Variants in SLC15A4 observed in about 807,000 individuals in gnomAD.
The protein encoded by SLC15A4 is solute carrier family 15 member 4, also known as hPHT1.
In SLC15A4, 26 loss-of-function variants were observed where a neutral mutation model predicts 46.1. The observed-to-expected ratio is 0.56, with a 90% CI of 0.41 to 0.78. The LOEUF (loss-of-function observed/expected upper bound fraction) is 0.78. Among genes scored for constraint, SLC15A4 ranks in the 30% least tolerant of loss-of-function variants. The probability of loss-of-function intolerance (pLI) is 0.00; values close to 1 mark genes in which losing one functional copy is unlikely to be tolerated. For missense variants in SLC15A4, 751 were observed against 755.7 expected (o/e 0.99, Z 0.07); for synonymous variants, 370 against 333.4 (o/e 1.11, Z -1.20).
chr12:128,809,273 T>A, intron 4 of SLC15A4, 123 bp downstream of exon 4: 1 of 689,372 alleles, frequency 1.5e-6, no homozygotes, highest in Non-Finnish European at 2.4e-6. Flanking sequence ...AAACTCTATT[T>A]CAATAACAAT....
In SLC15A4 at chr12:128,797,818, G is replaced by A. The variant is rs545372595; in HGVS notation, c.1573+1441C>T. On this transcript the variant is annotated intron_variant, in intron 7 of 7. Transcript: ENST00000266771. Reference sequence around the variant, plus strand: ...CAGCCTTTATTTCTCTACCCAGGACGCCAAGGGCTGCTCGACAGATGAGCT... The same window carrying A: ...CAGCCTTTATTTCTCTACCCAGGACACCAAGGGCTGCTCGACAGATGAGCT... 7.9e-5 allele frequency among the ~76,000 whole-genome samples: 12 copies of A among 152,308 alleles called. No homozygotes were observed. In the South Asian group the frequency reaches 1.9e-3, roughly 24 times the overall value.
At chr12:128,809,098 C>G (rs79513584) in intron 4 of SLC15A4, 142 bp from the exon 5 acceptor site, 4 of 761,854 alleles carry the variant, frequency 5.3e-6, no homozygotes, top group Non-Finnish European at 8.3e-6. Context: ...TTAGAGACAA[C>G]GGAACTGGGA....
intron 5 of SLC15A4, among the ~76,000 whole-genome samples, chr12:128,803,144 A>AGTGGAT (rs1458830251): frequency 1.3e-5 from 2 of 152,218 alleles, no homozygotes; most frequent in Non-Finnish European, 2.9e-5. Flanking sequence ...CAAATCCTTC[A>AGTGGAT]GATAAAAGTC....
intron 5 of SLC15A4, among the ~76,000 whole-genome samples, chr12:128,808,264 C>T (rs1357430290): frequency 6.6e-6 from 1 of 152,210 alleles, no homozygotes; most frequent in African/African-American, 2.4e-5. Context: ...TTGTTCTTAT[C>T]AGGTTTATCT....
chr12:128,806,175 A>AAAAAAG (rs1340099125), intron 5 of SLC15A4, among the ~76,000 whole-genome samples: 1 of 151,470 alleles, frequency 6.6e-6, no homozygotes, highest in African/African-American at 2.4e-5. Context: ...CAAAAAAAAA[A>AAAAAAG]AAAAAAAGAA....
In SLC15A4 at chr12:128,800,983, G is replaced by C. The variant is rs1955512502; in HGVS notation, c.1285C>G (p.Leu429Val). ...TGATTAATGGTTTTCTCTTTAACAA[G>C]GTTCAGCCTTTTACTCTCCAAAATT... ...AGILESKRLN[L>V]VKEKTINQTI... is the part of the protein sequence containing the mutation. Residue 429 changes from leucine (L) to valine (V), a missense_variant, in exon 6 of 8, where the codon CTT (leucine) becomes GTT (valine). Transcript: ENST00000266771. 2 of 1,612,504 alleles carry C rather than the reference G, an allele frequency of 1.2e-6. No homozygotes were observed. The highest frequency in any genetic ancestry group is 1.7e-6 in the Non-Finnish European group (2 of 1,179,454).
intron 3 of SLC15A4, 129 bp downstream of exon 3, chr12:128,809,814 C>T (rs138203273): frequency 9.7e-6 from 9 of 931,006 alleles, no homozygotes; most frequent in Admixed American, 3.1e-5. Flanking sequence ...ACCAAAAATT[C>T]CAAGATTCTG....
chr12:128,823,410 GAAGGGC>G lies in SLC15A4; in HGVS notation c.528_533del (p.Pro177_Phe178del). On this transcript the variant is annotated inframe_deletion, in exon 1 of 8. Transcript: ENST00000266771. ...GGGCGCGGCTCACCTGGTCGGCGCC[GAAGGGC>G]GTGATGTTGGCCTTGACGGTGGCCA... The G allele has an allele frequency of 2.8e-6, 4 of 1,442,982 alleles. No individual in the cohort carries two copies. Among genetic ancestry groups the G allele is most frequent in the Non-Finnish European group, 3.6e-6 (4 of 1,104,842 alleles). 89.4% of individuals were successfully genotyped at this position (1,442,982 alleles called of 1,614,324 possible).
At chr12:128,795,848 C>T (rs1443720912) in intron 7 of SLC15A4, among the ~76,000 whole-genome samples, 1 of 152,214 alleles carries the variant, frequency 6.6e-6, no homozygotes, top group African/African-American at 2.4e-5. Flanking sequence ...GTCTCCGTAC[C>T]ATGTACATCA....
intron 1 of SLC15A4, among the ~76,000 whole-genome samples, chr12:128,818,091 T>C (rs1228112751): frequency 6.8e-6 from 1 of 147,944 alleles, no homozygotes; most frequent in African/African-American, 2.5e-5. Flanking sequence ...AAAAAAAAAA[T>C]GCATCATTTG....
intron 5 of SLC15A4, among the ~76,000 whole-genome samples, chr12:128,808,356 C>T (rs1955613866): frequency 6.6e-6 from 1 of 152,138 alleles, no homozygotes; most frequent in Non-Finnish European, 1.5e-5. Flanking sequence ...CAGAATTTTA[C>T]ATAAAAAATT....
intron 7 of SLC15A4, among the ~76,000 whole-genome samples, chr12:128,796,469 T>C (rs1593002061): frequency 1.4e-5 from 2 of 144,422 alleles, no homozygotes; most frequent in African/African-American, 2.5e-5. Flanking sequence ...CCCACACATC[T>C]GTATGGTGAG....
chr12:128,795,843 C>T (rs1371656755), intron 7 of SLC15A4, among the ~76,000 whole-genome samples: 1 of 152,226 alleles, frequency 6.6e-6, no homozygotes, highest in Admixed American at 6.5e-5. Context: ...CCTCTGTCTC[C>T]GTACCATGTA....
At chr12:128,799,513 C>A (rs1261360936) in intron 6 of SLC15A4, 96 bp from the exon 7 acceptor site, 14 of 1,323,782 alleles carry the variant, frequency 1.1e-5, no homozygotes, top group South Asian at 4.1e-5. Context: ...AGCGTGGGGT[C>A]TCCTAGGGAC....
At chr12:128,813,186 T>TA (rs371417256) in intron 2 of SLC15A4, 10,805 of 73,576 alleles carry the variant, frequency 0.15, 490 homozygotes, top group South Asian at 0.23. Context: ...TGGGGCTATA[T>TA]TTTTTTTTTT....
intron 1 of SLC15A4, 36 bp downstream of exon 1, chr12:128,823,362 A>G (rs967316460): frequency 6.6e-6 from 9 of 1,362,064 alleles, no homozygotes; most frequent in Admixed American, 7.4e-5. Flanking sequence ...CAGGGGCTGG[A>G]CAGGGACAGG....
In SLC15A4 at chr12:128,809,388, G is replaced by T; in HGVS notation, c.1089+8C>A. On this transcript the variant is annotated splice_region_variant and intron_variant, in intron 4 of 7. Transcript: ENST00000266771. Reference sequence around the variant, plus strand: ...TAACAATGTTCAGATCATTACAATTGTTCTTACCGTGTGAGGAGTGGTTGT... The same window carrying T: ...TAACAATGTTCAGATCATTACAATTTTTCTTACCGTGTGAGGAGTGGTTGT... The T allele has an allele frequency of 3.8e-6, 6 of 1,563,752 alleles. No individual in the cohort carries two copies. The highest frequency in any genetic ancestry group is 5.3e-6 in the Non-Finnish European group (6 of 1,140,074).
intron 1 of SLC15A4, chr12:128,815,409 G>C: frequency 3.9e-6 from 1 of 255,674 alleles, no homozygotes; most frequent in Non-Finnish European, 7.9e-6. Context: ...GAGTCCGCTG[G>C]GCATGGTGGC....
chr12:128,812,160 C>T (rs368930649), intron 2 of SLC15A4, among the ~76,000 whole-genome samples: 3 of 152,118 alleles, frequency 2.0e-5, no homozygotes, highest in African/African-American at 7.2e-5. Context: ...AACAAATACG[C>T]CTTCATTTCT....
Sources: gnomAD v4.1 joint callset for allele counts (sites outside exome capture counted in the v4.1 genomes callset) on GRCh38, gnomAD v4.1.1 for gene constraint, MANE v1.5 for transcripts, NCBI Gene and HGNC (gene_info 2026-07-23, HGNC 2026-07-21) for gene names.